Variants in CDK14 observed in about 807,000 individuals in gnomAD.
CDK14 encodes cyclin dependent kinase 14.
CDK14 carries 34 observed loss-of-function variants against 60.7 expected under a neutral mutation model. That is an observed-to-expected ratio of 0.56 (90% CI 0.43 to 0.75). The LOEUF (loss-of-function observed/expected upper bound fraction) is 0.75. CDK14 is among the 30% of genes least tolerant of loss of function. The pLI, the probability that CDK14 is intolerant of heterozygous loss-of-function variation, is 0.00. For missense variants in CDK14, 482 were observed against 564.1 expected, an observed-to-expected ratio of 0.85 and a Z score of 1.47; for synonymous variants, 197 against 203.7, an observed-to-expected ratio of 0.97 and a Z score of 0.28.
intron 5 of CDK14, among the ~76,000 whole-genome samples, chr7:90,796,450 A>C (rs1229891173): frequency 6.6e-6 from 1 of 152,162 alleles, no homozygotes; most frequent in African/African-American, 2.4e-5. Flanking sequence ...TGACTGAGTG[A>C]AAAAATAGGG....
chr7:90,711,912 G>A (rs1260607202), intron 2 of CDK14, among the ~76,000 whole-genome samples: 5 of 133,574 alleles, frequency 3.7e-5, no homozygotes, highest in South Asian at 5.0e-4. Flanking sequence ...CAATTGAGCC[G>A]AGGGTCTCAC....
At chr7:90,702,784 T>C (rs1003242854) in intron 2 of CDK14, among the ~76,000 whole-genome samples, 4 of 152,188 alleles carry the variant, frequency 2.6e-5, no homozygotes, top group Non-Finnish European at 5.9e-5. Flanking sequence ...TTTTCAAGTA[T>C]GTACTACATA....
chr7:91,114,727 C>G (rs1381992022), intron 13 of CDK14, among the ~76,000 whole-genome samples: 1 of 152,090 alleles, frequency 6.6e-6, no homozygotes, highest in East Asian at 1.9e-4. Flanking sequence ...TACAGAAATG[C>G]TATTTCTGTG....
In CDK14 at chr7:90,785,753, C is replaced by G. The variant is rs1805550932; in HGVS notation, c.465-4820C>G. Among the ~76,000 whole-genome samples, 3 of 147,824 alleles carry G rather than the reference C, an allele frequency of 2.0e-5. No individual in the cohort carries two copies. The South Asian group carries it at 6.5e-4, about 32-fold the overall frequency. Reference sequence around the variant, plus strand: ...AGTGAGCTGAGATCATGCCATTGCACCCCAGCCTGGGCGGCTGAGTGAGAC... The same window carrying G: ...AGTGAGCTGAGATCATGCCATTGCAGCCCAGCCTGGGCGGCTGAGTGAGAC... On this transcript the variant is annotated intron_variant, in intron 4 of 14. Transcript: ENST00000380050.
At chr7:90,921,492 G>C (rs868493870) in intron 8 of CDK14, among the ~76,000 whole-genome samples, 1 of 151,884 alleles carries the variant, frequency 6.6e-6, no homozygotes, top group Non-Finnish European at 1.5e-5. Context: ...CTGCTTGATT[G>C]GAAGTTCCGT....
At chr7:91,007,691 GA>G (rs1350560193) in intron 10 of CDK14, among the ~76,000 whole-genome samples, 1 of 151,812 alleles carries the variant, frequency 6.6e-6, no homozygotes, top group African/African-American at 2.4e-5. Flanking sequence ...TGTATAGAAT[GA>G]AAAAGCCTTC....
chr7:90,752,173 A>G (rs1803872437), intron 4 of CDK14, among the ~76,000 whole-genome samples: 1 of 152,130 alleles, frequency 6.6e-6, no homozygotes, highest in Non-Finnish European at 1.5e-5. Context: ...GACCAACTAG[A>G]CCTAATAGGC....
chr7:91,151,190 CA>C (rs1423932413), intron 14 of CDK14, among the ~76,000 whole-genome samples: 1 of 152,132 alleles, frequency 6.6e-6, no homozygotes, highest in African/African-American at 2.4e-5. Flanking sequence ...TCCCACACCC[CA>C]GTCTTTAGGC....
rs200052299 is a variant in CDK14, at chr7:91,118,228, C to G, written c.*28+20C>G. 216 of 1,113,200 alleles carry G rather than the reference C, an allele frequency of 1.9e-4. No individual in the cohort carries two copies. The highest frequency in any genetic ancestry group is 2.8e-4 in the Non-Finnish European group (208 of 740,858). 69.0% of individuals were successfully genotyped at this position (1,113,200 alleles called of 1,614,324 possible). On this transcript the variant is annotated intron_variant, in intron 14 of 14. Coordinates refer to ENST00000380050, the MANE Select transcript of CDK14 (RefSeq NM_001287135.2). ...ACACAGGTAAGAGGACCTGCTTTAC[C>G]TGGAAAGTAATATTTAATGGATATT...
At chr7:90,604,101 C>A (rs1239996423) in intron 1 of CDK14, 117 bp from the exon 2 acceptor site, 4 of 641,622 alleles carry the variant, frequency 6.2e-6, no homozygotes, top group Admixed American at 7.3e-5. Flanking sequence ...GGTTGGGGTA[C>A]AATTTACTTT....
chr7:90,772,463 G>C (rs1034144588), intron 4 of CDK14, among the ~76,000 whole-genome samples: 5 of 152,182 alleles, frequency 3.3e-5, no homozygotes, highest in Admixed American at 6.5e-5. Context: ...CCCAATGTTT[G>C]GGGAGGGACC....
chr7:90,609,652 A>T (rs561879624), intron 2 of CDK14, among the ~76,000 whole-genome samples: 110 of 152,254 alleles, frequency 7.2e-4, no homozygotes, highest in African/African-American at 2.4e-3. Context: ...AGTCACTAGG[A>T]TTCCTGTACA....
chr7:91,047,627 T>C (rs1466115186), intron 11 of CDK14, among the ~76,000 whole-genome samples: 4 of 152,202 alleles, frequency 2.6e-5, no homozygotes, highest in Non-Finnish European at 4.4e-5. Flanking sequence ...TAACATTATG[T>C]GTAAGCCCCA....
chr7:90,868,169 A>G (rs1457106375), intron 6 of CDK14, among the ~76,000 whole-genome samples: 4 of 151,886 alleles, frequency 2.6e-5, no homozygotes, highest in Non-Finnish European at 5.9e-5. Context: ...GCATTCACCC[A>G]TAATACCATC....
intron 7 of CDK14, among the ~76,000 whole-genome samples, chr7:90,907,750 AGGAGGTT>A (rs1019254416): frequency 2.6e-5 from 4 of 152,140 alleles, no homozygotes; most frequent in African/African-American, 9.6e-5. Context: ...TTAAAAGGAT[AGGAGGTT>A]TATTATGGCT....
intron 9 of CDK14, among the ~76,000 whole-genome samples, chr7:90,964,045 T>G (rs1404529648): frequency 2.0e-5 from 3 of 152,178 alleles, no homozygotes; most frequent in Non-Finnish European, 4.4e-5. Context: ...ATTAGAAGAA[T>G]TACATAATTG....
At chr7:91,062,965 C>G (rs1407233423) in intron 11 of CDK14, among the ~76,000 whole-genome samples, 1 of 152,128 alleles carries the variant, frequency 6.6e-6, no homozygotes, top group African/African-American at 2.4e-5. Flanking sequence ...CAGTGAAAGG[C>G]AGGGCACAAA....
At chr7:90,885,530 A>G (rs1379831667) in intron 6 of CDK14, among the ~76,000 whole-genome samples, 1 of 152,242 alleles carries the variant, frequency 6.6e-6, no homozygotes, top group African/African-American at 2.4e-5. Context: ...ATCTAGAACC[A>G]GAAGTACCAT....
chr7:90,639,311 G>T (rs561658934), intron 2 of CDK14, among the ~76,000 whole-genome samples: 29 of 151,960 alleles, frequency 1.9e-4, no homozygotes, highest in African/African-American at 6.8e-4. Context: ...TTTTTGGTGT[G>T]GATGTCCTTT....
Sources: allele counts gnomAD v4.1 joint callset (sites outside exome capture counted in the v4.1 genomes callset), GRCh38; gene constraint gnomAD v4.1.1; transcripts MANE v1.5; gene names NCBI Gene and HGNC (gene_info 2026-07-23, HGNC 2026-07-21).